ABCB11: variants seen among roughly 807,000 people sequenced by gnomAD.
The protein encoded by ABCB11 is bile salt export pump.
In ABCB11, 95 loss-of-function variants were observed where a neutral mutation model predicts 148.0. The ratio of observed to expected loss-of-function variants is 0.64; its 90% confidence interval spans 0.54 to 0.76. The LOEUF (loss-of-function observed/expected upper bound fraction) is 0.76, where lower values mean the gene tolerates loss of function less well. Among genes scored for constraint, ABCB11 ranks in the 30% least tolerant of loss-of-function variants. ABCB11 has a pLI of 0.00. For missense variants in ABCB11, 1,523 were observed against 1,617.8 expected, an observed-to-expected ratio of 0.94 and a Z score of 1.01; for synonymous variants, 591 against 555.4, an observed-to-expected ratio of 1.06 and a Z score of -0.90.
At chr2:169,015,838 A>G (rs1343983157) in intron 3 of ABCB11, among the ~76,000 whole-genome samples, 9 of 152,064 alleles carry the variant, frequency 5.9e-5, no homozygotes, top group Admixed American at 1.3e-4. Context: ...ATTTTTGCCT[A>G]TTTTGTTCTT....
intron 10 of ABCB11, among the ~76,000 whole-genome samples, chr2:168,982,449 T>A (rs3770593): frequency 0.71 from 107,550 of 151,912 alleles, 38,475 homozygotes; most frequent in East Asian, 0.81. Context: ...CCATTATGTG[T>A]TTATTTTTAT....
rs375288223 is a variant in ABCB11, at chr2:168,924,787, A to G, written c.3635T>C (p.Val1212Ala). Residue 1212 changes from valine (V) to alanine (A), a missense_variant, in exon 27 of 28, where the codon GTT becomes GCT. Val to Ala is a moderately conservative substitution (Grantham distance 64). Transcript: ENST00000650372. The stretch of plus-strand genomic sequence containing the variant: ...AGAGAGTTGAGACCCCTGGGACCCA[A>G]CGTTAGTTTCATATTTCTGAAAAAA... ...MSLPEKYETN[V>A]GSQGSQLSRG... 3.7e-6 allele frequency: 6 copies of G among 1,611,320 alleles called. No homozygotes were observed. The highest frequency in any genetic ancestry group is 5.1e-6 in the Non-Finnish European group (6 of 1,178,948).
chr2:169,020,098 C>T (rs1464244241), intron 1 of ABCB11, among the ~76,000 whole-genome samples: 2 of 152,108 alleles, frequency 1.3e-5, no homozygotes, highest in Non-Finnish European at 2.9e-5. Flanking sequence ...ATAATTAAAA[C>T]TCTACACAGT....
chr2:168,934,523 G>A (rs1021100757), intron 23 of ABCB11, among the ~76,000 whole-genome samples: 6 of 152,166 alleles, frequency 3.9e-5, no homozygotes, highest in Non-Finnish European at 8.8e-5. Flanking sequence ...TTGGCTATAC[G>A]AATGGAACAT....
At chr2:168,961,543 C>T (rs1426829632) in intron 18 of ABCB11, among the ~76,000 whole-genome samples, 1 of 151,684 alleles carries the variant, frequency 6.6e-6, no homozygotes, top group East Asian at 1.9e-4. Context: ...TGATCTCATA[C>T]ATGTTCTGCC....
At chr2:169,026,214 G>C (rs1323726998) in intron 1 of ABCB11, among the ~76,000 whole-genome samples, 1 of 152,222 alleles carries the variant, frequency 6.6e-6, no homozygotes, top group African/African-American at 2.4e-5. Context: ...GGCCAGCTAT[G>C]AAATGGAACA....
intron 12 of ABCB11, among the ~76,000 whole-genome samples, chr2:168,974,665 C>A (rs949027760): frequency 6.6e-6 from 1 of 151,892 alleles, no homozygotes; most frequent in African/African-American, 2.4e-5. Flanking sequence ...GGGTTAAAAA[C>A]ATACTCGTAC....
At chr2:168,948,547 A>AG (rs1692427654) in intron 19 of ABCB11, among the ~76,000 whole-genome samples, 1 of 151,602 alleles carries the variant, frequency 6.6e-6, no homozygotes, top group African/African-American at 2.4e-5. Context: ...AAACTCCACT[A>AG]GGGAAAGCAT....
chr2:168,991,179 G>C (rs1475677542), intron 8 of ABCB11, among the ~76,000 whole-genome samples: 3 of 152,008 alleles, frequency 2.0e-5, no homozygotes, highest in Non-Finnish European at 2.9e-5. Flanking sequence ...ATTCCAAATA[G>C]GACATTCTGT....
At chr2:168,964,576 C>A (rs958125584) in intron 17 of ABCB11, among the ~76,000 whole-genome samples, 2 of 151,134 alleles carry the variant, frequency 1.3e-5, no homozygotes, top group Non-Finnish European at 2.9e-5. Flanking sequence ...AGAAAGGGAG[C>A]AAAGCTGTCC....
intron 14 of ABCB11, 162 bp from the exon 15 acceptor site, chr2:168,970,377 T>C: frequency 6.6e-7 from 1 of 1,509,514 alleles, no homozygotes; most frequent in Non-Finnish European, 8.9e-7. Context: ...CGGGTTATTG[T>C]CTAATCAATA....
At chr2:168,977,916 A>G (rs1273819906) in intron 11 of ABCB11, among the ~76,000 whole-genome samples, 1 of 152,176 alleles carries the variant, frequency 6.6e-6, no homozygotes, top group Admixed American at 6.5e-5. Flanking sequence ...TTACAGTTCA[A>G]GATAAGATTT....
intron 17 of ABCB11, among the ~76,000 whole-genome samples, chr2:168,966,886 T>C (rs1464993479): frequency 1.4e-5 from 2 of 141,982 alleles, no homozygotes; most frequent in Non-Finnish European, 1.6e-5. Context: ...TTTCTCATCC[T>C]AATCACCAAA....
intron 10 of ABCB11, among the ~76,000 whole-genome samples, chr2:168,982,440 C>T (rs768960891): frequency 2.0e-5 from 3 of 152,072 alleles, no homozygotes; most frequent in Non-Finnish European, 4.4e-5. Flanking sequence ...TGTCACGCTC[C>T]ATTATGTGTT....
chr2:168,996,200 T>C (rs1694708649), intron 6 of ABCB11, among the ~76,000 whole-genome samples: 1 of 152,114 alleles, frequency 6.6e-6, no homozygotes, highest in Non-Finnish European at 1.5e-5. Context: ...TAAAATATGC[T>C]CTAGATTCAG....
intron 15 of ABCB11, 87 bp downstream of exon 15, chr2:168,969,958 C>T: frequency 1.2e-6 from 1 of 868,558 alleles, no homozygotes; most frequent in East Asian, 3.5e-5. Context: ...TACTCCCATC[C>T]CTCCCACCCC....
chr2:169,001,125 T>A (rs1694858677), intron 5 of ABCB11, among the ~76,000 whole-genome samples: 1 of 152,174 alleles, frequency 6.6e-6, no homozygotes, highest in Non-Finnish European at 1.5e-5. Context: ...CTCTCCTTCG[T>A]TAATAAGTGT....
chr2:168,979,308 C>G (rs1248401614), intron 11 of ABCB11, among the ~76,000 whole-genome samples: 3 of 152,080 alleles, frequency 2.0e-5, no homozygotes, highest in Non-Finnish European at 4.4e-5. Context: ...CTCCTCCAAT[C>G]CTCATTTGTA....
In ABCB11 at chr2:168,944,605, C is replaced by G. The variant is rs759524655; in HGVS notation, c.2610G>C (p.Gly870=). The change falls in exon 21 of 28, where the codon GGG becomes GGC. Residue 870 remains glycine (G), a splice_region_variant and synonymous_variant. Transcript: ENST00000650372. The part of the protein sequence containing the change: ...RLATDASQVQ[G]AAGSQIGMIV... ...TTCTATTTCCCCTCCCATAGCTCAC[C>G]CCTTGAACTTGGGAAGCATCTGTAG... is the stretch of plus-strand genomic sequence containing the variant. 2 of 1,602,342 alleles carry G rather than the reference C, an allele frequency of 1.2e-6. No homozygotes were observed. The highest frequency in any genetic ancestry group is 1.1e-5 in the South Asian group (1 of 89,114).
Sources: gnomAD v4.1 joint callset for allele counts (sites outside exome capture counted in the v4.1 genomes callset) on GRCh38, gnomAD v4.1.1 for gene constraint, MANE v1.5 for transcripts, NCBI Gene and HGNC (gene_info 2026-07-23, HGNC 2026-07-21) for gene names.